JAKMIP2: variants seen among roughly 807,000 people sequenced by gnomAD.
JAKMIP2 encodes janus kinase and microtubule interacting protein 2.
A neutral mutation model predicts 115.0 loss-of-function variants in JAKMIP2; 25 were observed. The ratio of observed to expected loss-of-function variants is 0.22; its 90% CI spans 0.16 to 0.30. The LOEUF (loss-of-function observed/expected upper bound fraction) is 0.30. Ranked by LOEUF, JAKMIP2 falls within the 10% of genes least tolerant of loss-of-function variation. JAKMIP2 has a pLI of 1.00. For missense variants in JAKMIP2, 642 were observed against 957.6 expected (o/e 0.67, Z 4.35); for synonymous variants, 334 against 343.6 (o/e 0.97, Z 0.31).
chr5:147,748,613 CAA>C (rs1330809755), intron 1 of JAKMIP2, among the ~76,000 whole-genome samples: 1 of 152,086 alleles, frequency 6.6e-6, no homozygotes, highest in African/African-American at 2.4e-5. Context: ...CAGGTATGTT[CAA>C]CATGGAGATG....
At chr5:147,695,725 T>A (rs1752080828) in intron 1 of JAKMIP2, among the ~76,000 whole-genome samples, 1 of 151,064 alleles carries the variant, frequency 6.6e-6, no homozygotes, top group Non-Finnish European at 1.5e-5. Flanking sequence ...AGAGAACAAG[T>A]GAGCAAATTC....
chr5:147,671,562 C>T (rs1276619958), intron 2 of JAKMIP2, 116 bp downstream of exon 2: 2 of 846,910 alleles, frequency 2.4e-6, no homozygotes, highest in Non-Finnish European at 1.6e-6. Context: ...ACGTTGCCCT[C>T]TCTGGCAAAG....
intron 1 of JAKMIP2, among the ~76,000 whole-genome samples, chr5:147,702,703 G>GA (rs141121839): frequency 1.5e-4 from 20 of 137,118 alleles, no homozygotes; most frequent in African/African-American, 2.3e-4. Flanking sequence ...GAAAAGAAAA[G>GA]AAAAAAAAAG....
rs1463247794 is a variant in JAKMIP2, at chr5:147,690,649, G to A, written c.-148-18695C>T. On this transcript the variant is annotated intron_variant, in intron 1 of 21. Coordinates refer to ENST00000616793, the MANE Select transcript of JAKMIP2 (RefSeq NM_001270941.2). ...TACATGCATAAAAACATTTTGGAAAGATATATGAGGTAACAGGGTCCATCT... is the reference window on the plus strand; with the variant it reads ...TACATGCATAAAAACATTTTGGAAAAATATATGAGGTAACAGGGTCCATCT... 5.4e-5 allele frequency among the ~76,000 whole-genome samples: 8 copies of A among 148,806 alleles called. No homozygotes were observed. The South Asian group carries it at 1.7e-3, about 32-fold the overall frequency.
chr5:147,621,361 T>G (rs1756838098), intron 17 of JAKMIP2, among the ~76,000 whole-genome samples: 2 of 152,230 alleles, frequency 1.3e-5, no homozygotes, highest in African/African-American at 4.8e-5. Flanking sequence ...AACTATATTT[T>G]GGGTACAACA....
In JAKMIP2 at chr5:147,678,320, T is replaced by A. The variant is rs574573525; in HGVS notation, c.-148-6366A>T. On this transcript the variant is annotated intron_variant, in intron 1 of 21. Transcript: ENST00000616793. Reference sequence around the variant, plus strand: ...CCTGGCTACCCCCTGGCCCGCTTAATCACCATTCCACTCTCTGCTACTGTA... The same window carrying A: ...CCTGGCTACCCCCTGGCCCGCTTAAACACCATTCCACTCTCTGCTACTGTA... 1.2e-4 allele frequency among the ~76,000 whole-genome samples: 19 copies of A among 152,248 alleles called. No individual in the cohort carries two copies. In the South Asian group the frequency reaches 2.1e-3, roughly 17 times the overall value.
chr5:147,713,111 T>C (rs1752844982), intron 1 of JAKMIP2, among the ~76,000 whole-genome samples: 1 of 152,206 alleles, frequency 6.6e-6, no homozygotes, highest in Non-Finnish European at 1.5e-5. Context: ...ACATTTTATG[T>C]TTCAGACATC....
At chr5:147,596,899 T>C (rs914240874) in intron 21 of JAKMIP2, among the ~76,000 whole-genome samples, 16 of 151,910 alleles carry the variant, frequency 1.1e-4, no homozygotes, top group Non-Finnish European at 1.8e-4. Context: ...GGGGATGGAG[T>C]CTTACTCTGT....
chr5:147,692,428 T>A (rs961876422), intron 1 of JAKMIP2, among the ~76,000 whole-genome samples: 1 of 152,208 alleles, frequency 6.6e-6, no homozygotes, highest in African/African-American at 2.4e-5. Flanking sequence ...TTACAGCAGC[T>A]CTAGAAAATA....
chr5:147,742,499 A>G (rs1015181568), intron 1 of JAKMIP2, among the ~76,000 whole-genome samples: 4 of 152,178 alleles, frequency 2.6e-5, no homozygotes, highest in African/African-American at 7.2e-5. Flanking sequence ...TCTAGCTCCC[A>G]TGAAGTTTGC....
intron 20 of JAKMIP2, among the ~76,000 whole-genome samples, chr5:147,607,274 A>G (rs1756066600): frequency 6.6e-6 from 1 of 152,210 alleles, no homozygotes; most frequent in Admixed American, 6.5e-5. Flanking sequence ...GAATGCTTCC[A>G]GCTTTTGCCC....
intron 1 of JAKMIP2, among the ~76,000 whole-genome samples, chr5:147,692,754 C>T (rs184707316): frequency 1.1e-4 from 17 of 152,208 alleles, no homozygotes; most frequent in Admixed American, 1.0e-3. Context: ...GGAAACGGTC[C>T]ATTTGAAAGC....
chr5:147,781,130 C>T (rs1755742091), intron 1 of JAKMIP2, among the ~76,000 whole-genome samples: 1 of 152,164 alleles, frequency 6.6e-6, no homozygotes, highest in Non-Finnish European at 1.5e-5. Flanking sequence ...CACACATTCT[C>T]CTGCTCGCTT....
rs1488757041 is a variant in JAKMIP2, at chr5:147,586,853, G to A, written c.*4854C>T. ...AGCTATCCTGCCACCTTAGCCTTCT[G>A]AGTAGCTATCTTTAGGAATTTTGAT... is the stretch of plus-strand genomic sequence containing the variant. On this transcript the variant is annotated 3_prime_UTR_variant, in exon 22 of 22. Transcript: ENST00000616793. 4 of 147,612 alleles carry A rather than the reference G, an allele frequency of 2.7e-5. No homozygotes were observed. The highest frequency in any genetic ancestry group is 1.5e-5 in the Non-Finnish European group (1 of 67,434). 9.1% of individuals were successfully genotyped at this position (147,612 alleles called of 1,614,324 possible).
intron 1 of JAKMIP2, among the ~76,000 whole-genome samples, chr5:147,748,000 T>C (rs1386873210): frequency 6.6e-6 from 1 of 152,224 alleles, no homozygotes. Flanking sequence ...TACTTTATTA[T>C]TGATAACAAT....
chr5:147,651,613 G>A (rs1247336381), intron 3 of JAKMIP2, among the ~76,000 whole-genome samples: 1 of 151,836 alleles, frequency 6.6e-6, no homozygotes, highest in Non-Finnish European at 1.5e-5. Flanking sequence ...TTTGCTGTGT[G>A]CTCTTAGACC....
intron 1 of JAKMIP2, among the ~76,000 whole-genome samples, chr5:147,717,564 C>T (rs1220915126): frequency 7.1e-6 from 1 of 141,590 alleles, no homozygotes; most frequent in Non-Finnish European, 1.5e-5. Context: ...TCCTTCACAT[C>T]CCTTGTAAGT....
chr5:147,693,400 G>T (rs1424057866), intron 1 of JAKMIP2, among the ~76,000 whole-genome samples: 2 of 152,154 alleles, frequency 1.3e-5, no homozygotes, highest in Non-Finnish European at 2.9e-5. Flanking sequence ...TATCAGACAT[G>T]TGACATTTGA....
intron 21 of JAKMIP2, among the ~76,000 whole-genome samples, chr5:147,595,737 A>T (rs1438475376): frequency 1.3e-5 from 2 of 152,186 alleles, no homozygotes; most frequent in Admixed American, 6.5e-5. Flanking sequence ...TTGAAATATC[A>T]TTAATATTAT....
Sources: allele counts gnomAD v4.1 joint callset (sites outside exome capture counted in the v4.1 genomes callset), GRCh38; gene constraint gnomAD v4.1.1; transcripts MANE v1.5; gene names NCBI Gene and HGNC (gene_info 2026-07-23, HGNC 2026-07-21).